The following OSBPL1A variants were observed in gnomAD, a reference collection of about 807,000 sequenced individuals.
OSBPL1A encodes oxysterol binding protein like 1A, also known as oxysterol-binding protein-related protein 1.
OSBPL1A carries 80 observed loss-of-function variants against 137.1 expected under a neutral mutation model. The ratio of observed to expected loss-of-function variants is 0.58; its 90% CI spans 0.49 to 0.70. OSBPL1A has a LOEUF of 0.70. Ranked by LOEUF, OSBPL1A falls within the 30% of genes least tolerant of loss-of-function variation. The probability of loss-of-function intolerance (pLI) is 0.00; values close to 1 mark genes in which losing one functional copy is unlikely to be tolerated. For synonymous variants in OSBPL1A, 365 were observed against 389.7 expected (o/e 0.94, Z 0.75); for missense variants, 970 against 1,129.4 (o/e 0.86, Z 2.02).
rs558871284 is a variant in OSBPL1A at position 24,280,412 on chromosome 18, A to G, written c.1281+430T>C. Reference sequence around the variant, plus strand: ...TCATATTTAGAAAAGCAAATGGCAAACTGTTGAAGGGTAAGAGAGTGAGGG... The same window carrying G: ...TCATATTTAGAAAAGCAAATGGCAAGCTGTTGAAGGGTAAGAGAGTGAGGG... On this transcript the variant is annotated intron_variant, in intron 15 of 27. Transcript: ENST00000319481. Among the ~76,000 whole-genome samples, 3 of 152,332 alleles carry G rather than the reference A, an allele frequency of 2.0e-5. No homozygotes were observed. The East Asian group carries it at 5.8e-4, about 29-fold the overall frequency.
chr18:24,263,493 A>G (rs1429107549), intron 15 of OSBPL1A, among the ~76,000 whole-genome samples: 1 of 152,238 alleles, frequency 6.6e-6, no homozygotes, highest in African/African-American at 2.4e-5. Context: ...TCATATTAAC[A>G]CACCAACAAA....
intron 26 of OSBPL1A, 81 bp from the exon 27 acceptor site, chr18:24,165,236 A>T (rs1567911647): frequency 6.4e-6 from 8 of 1,240,330 alleles, no homozygotes; most frequent in Non-Finnish European, 8.2e-6. Flanking sequence ...AGAACTTCAC[A>T]AAAGAACCAT....
chr18:24,188,062 T>C (rs1297290597), intron 18 of OSBPL1A, among the ~76,000 whole-genome samples: 1 of 152,230 alleles, frequency 6.6e-6, no homozygotes, highest in African/African-American at 2.4e-5. Flanking sequence ...CCTGTAAGTC[T>C]GATTTTGAAT....
Position 24,163,131 on chromosome 18 carries a change from T to TA in OSBPL1A, c.*47_*48insT. ...AGGGAAAAAAATTTAAAAACATAGG[T>TA]TTAAGACTTATTTGTAGATTAGCCA... is the stretch of plus-strand genomic sequence containing the variant. On this transcript the variant is annotated 3_prime_UTR_variant, in exon 28 of 28. Transcript: ENST00000319481. 7.1e-7 allele frequency: 1 copy of TA among 1,418,104 alleles called. No individual in the cohort carries two copies. The highest frequency in any genetic ancestry group is 9.8e-7 in the Non-Finnish European group (1 of 1,018,152). The allele number at this position is 1,418,104 out of a possible 1,614,324, so 87.8% of individuals were successfully genotyped here. A position where few individuals can be genotyped will look rare whatever the true frequency, so the allele number is the denominator to read the frequency against.
chr18:24,247,489 A>C (rs976972935), intron 15 of OSBPL1A, among the ~76,000 whole-genome samples: 29 of 152,190 alleles, frequency 1.9e-4, no homozygotes, highest in Non-Finnish European at 2.4e-4. Flanking sequence ...TGTTTGAGAC[A>C]GGATCTTACT....
At chr18:24,259,212 T>C (rs2089377435) in intron 15 of OSBPL1A, among the ~76,000 whole-genome samples, 1 of 152,236 alleles carries the variant, frequency 6.6e-6, no homozygotes, top group Admixed American at 6.5e-5. Flanking sequence ...TGGCCTAAAA[T>C]TACATCTTTT....
chr18:24,208,369 G>A (rs901620395), intron 17 of OSBPL1A, among the ~76,000 whole-genome samples: 1 of 152,004 alleles, frequency 6.6e-6, no homozygotes, highest in Non-Finnish European at 1.5e-5. Context: ...CAAATGATGA[G>A]CAGAAAAGCC....
intron 1 of OSBPL1A, among the ~76,000 whole-genome samples, chr18:24,389,550 TAAC>T (rs1208393871): frequency 1.3e-5 from 2 of 152,196 alleles, no homozygotes; most frequent in Admixed American, 6.5e-5. Flanking sequence ...TTTTAAAACT[TAAC>T]AACTCCAAGG....
At chr18:24,365,025 C>CAAAAAAAAAAAAAAAAAAAAA (rs56400717) in intron 4 of OSBPL1A, among the ~76,000 whole-genome samples, 3 of 89,680 alleles carry the variant, frequency 3.3e-5, no homozygotes, top group African/African-American at 8.0e-5. Context: ...AAAACAACAA[C>CAAAAAAAAAAAAAAAAAAAAA]AAAAAAAAAA....
In OSBPL1A at chr18:24,178,149, G is replaced by A; in HGVS notation, c.1957C>T (p.Pro653Ser). ...RLISEQVSHH[P>S]PISAFHAEGL... ...TCAGCATGAAATGCACTGATTGGTG[G>A]GTGATGGCTGACCTGTTCGGAGATG... is the stretch of plus-strand genomic sequence containing the variant. Residue 653 changes from proline to serine, a missense_variant, in exon 21 of 28, where the codon CCA (proline) becomes TCA (serine). Physicochemically the swap from Pro to Ser is moderately conservative, Grantham distance 74. Around this residue, in one of 2 missense-constraint regions of OSBPL1A, gnomAD observed 323 missense variants for 456.8 expected, o/e 0.71. Transcript: ENST00000319481. 6 of 1,613,306 alleles carry A rather than the reference G, an allele frequency of 3.7e-6. No individual in the cohort carries two copies. The highest frequency in any genetic ancestry group is 1.3e-5 in the African/African-American group (1 of 74,760).
In OSBPL1A at chr18:24,172,238, T is replaced by A. The variant is rs888993402; in HGVS notation, c.2201+138A>T. ...ACAGGCGTGAGCCACCGCGCCCAGA[T>A]ATATTGCATGATTCTTAAATTTTCA... On this transcript the variant is annotated intron_variant, in intron 22 of 27. Coordinates refer to ENST00000319481, the MANE Select transcript of OSBPL1A (RefSeq NM_080597.4). 8 of 662,810 alleles carry A rather than the reference T, an allele frequency of 1.2e-5. No individual in the cohort carries two copies. The African/African-American group carries it at 1.5e-4, about 12-fold the overall frequency. The allele number at this position is 662,810 out of a possible 1,614,324, so 41.1% of individuals were successfully genotyped here.
intron 15 of OSBPL1A, among the ~76,000 whole-genome samples, chr18:24,273,060 C>T (rs922000487): frequency 1.3e-5 from 2 of 152,092 alleles, no homozygotes; most frequent in African/African-American, 4.8e-5. Flanking sequence ...CCTGCACCAC[C>T]AAACCCAGCT....
chr18:24,205,306 T>C (rs2087337600), intron 17 of OSBPL1A, among the ~76,000 whole-genome samples: 1 of 152,240 alleles, frequency 6.6e-6, no homozygotes, highest in South Asian at 2.1e-4. Context: ...TAGTGTTTCA[T>C]ATGGCCGTGG....
intron 14 of OSBPL1A, among the ~76,000 whole-genome samples, chr18:24,298,842 C>T (rs1265934250): frequency 6.6e-6 from 1 of 152,190 alleles, no homozygotes; most frequent in Admixed American, 6.5e-5. Context: ...GAAGTTCGCA[C>T]TATTACCATG....
chr18:24,258,397 C>G (rs545673881), intron 15 of OSBPL1A, among the ~76,000 whole-genome samples: 3 of 152,252 alleles, frequency 2.0e-5, no homozygotes, highest in South Asian at 4.1e-4. Context: ...CATGTTCTCA[C>G]TTATTTGTGG....
intron 18 of OSBPL1A, among the ~76,000 whole-genome samples, chr18:24,186,384 G>GA (rs781418705): frequency 2.6e-5 from 4 of 151,928 alleles, no homozygotes; most frequent in East Asian, 1.9e-4. Context: ...CTTAAAATCT[G>GA]AAAAAAACAG....
At chr18:24,229,233 T>C (rs1404400255) in intron 16 of OSBPL1A, among the ~76,000 whole-genome samples, 2 of 152,016 alleles carry the variant, frequency 1.3e-5, no homozygotes, top group South Asian at 2.1e-4. Context: ...GGAAGAAATA[T>C]AAAATGAAGC....
chr18:24,317,467 A>T, intron 9 of OSBPL1A, 67 bp from the exon 10 acceptor site: 1 of 1,221,048 alleles, frequency 8.2e-7, no homozygotes. Context: ...ACTGATAAAA[A>T]GTAATTAAGT....
intron 17 of OSBPL1A, among the ~76,000 whole-genome samples, chr18:24,213,460 C>T (rs2087603591): frequency 6.6e-6 from 1 of 151,856 alleles, no homozygotes; most frequent in Non-Finnish European, 1.5e-5. Context: ...TCCCAGCAAT[C>T]CCAGCTACTC....
Sources: allele counts gnomAD v4.1 joint callset (sites outside exome capture counted in the v4.1 genomes callset), GRCh38; gene constraint gnomAD v4.1.1; regional missense constraint gnomAD v4.1.1; transcripts MANE v1.5; gene names NCBI Gene and HGNC (gene_info 2026-07-23, HGNC 2026-07-21).